Variants in BBS9 observed in about 807,000 individuals in gnomAD.
BBS9 encodes the protein Bardet-Biedl syndrome 9.
BBS9 carries 89 observed loss-of-function variants against 117.7 expected under a neutral mutation model. The ratio of observed to expected loss-of-function variants is 0.76; its 90% CI spans 0.64 to 0.90. The LOEUF (loss-of-function observed/expected upper bound fraction) is 0.90, where lower values mean the gene tolerates loss of function less well. BBS9 is among the 40% of genes least tolerant of loss of function. The pLI, the probability that BBS9 is intolerant of heterozygous loss-of-function variation, is 0.00. For missense variants in BBS9, 982 were observed against 1,042.2 expected, an observed-to-expected ratio of 0.94 and a Z score of 0.80; for synonymous variants, 379 against 370.9, an observed-to-expected ratio of 1.02 and a Z score of -0.25.
At chr7:33,373,628 A>T (rs532301348) in intron 17 of BBS9, among the ~76,000 whole-genome samples, 1 of 152,196 alleles carries the variant, frequency 6.6e-6, no homozygotes, top group Admixed American at 6.5e-5. Context: ...AGCATTTTGG[A>T]TAAAGTATAC....
intron 21 of BBS9, among the ~76,000 whole-genome samples, chr7:33,535,701 A>G (rs1851257264): frequency 6.6e-6 from 1 of 152,202 alleles, no homozygotes; most frequent in African/African-American, 2.4e-5. Flanking sequence ...AAAACTATTC[A>G]TTATAATCAG....
chr7:33,383,996 T>TGCC (rs1825563768), intron 18 of BBS9, among the ~76,000 whole-genome samples, 158 bp downstream of exon 18: 2 of 152,210 alleles, frequency 1.3e-5, no homozygotes, highest in East Asian at 3.9e-4. Context: ...CCTGCCCACT[T>TGCC]GCCCAGTTTG....
intron 19 of BBS9, among the ~76,000 whole-genome samples, chr7:33,498,917 A>C (rs1229120444): frequency 6.6e-6 from 1 of 152,124 alleles, no homozygotes; most frequent in Admixed American, 6.5e-5. Context: ...CTCTATGTTT[A>C]ACTTTTTGAG....
chr7:33,225,385 G>A (rs114430428), intron 5 of BBS9, among the ~76,000 whole-genome samples: 2,005 of 152,142 alleles, frequency 0.013, 50 homozygotes, highest in African/African-American at 0.046. Flanking sequence ...TTTTCATAGA[G>A]ATGGGGTCTT....
At chr7:33,586,619 G>A (rs1038636237) in intron 21 of BBS9, among the ~76,000 whole-genome samples, 2 of 152,006 alleles carry the variant, frequency 1.3e-5, no homozygotes, top group Admixed American at 6.6e-5. Flanking sequence ...TGCTATTCAC[G>A]GTAGCAAAGA....
chr7:33,627,222 G>A lies in BBS9; in HGVS notation c.2522-7955G>A, dbSNP rs533293122. ...GGGTCCCAGATACATCTAGGCTGCT[G>A]CTCCTGAGGGTGCAAGCTGTAAGCT... On this transcript the variant is annotated intron_variant, in intron 21 of 21. Coordinates refer to the BBS9 transcript ENST00000671952. 2.0e-5 allele frequency among the ~76,000 whole-genome samples: 3 copies of A among 152,352 alleles called. No individual in the cohort carries two copies. The East Asian group carries it at 5.8e-4, about 29-fold the overall frequency.
At chr7:33,510,934 G>A (rs1846860786) in intron 20 of BBS9, among the ~76,000 whole-genome samples, 1 of 152,218 alleles carries the variant, frequency 6.6e-6, no homozygotes, top group Non-Finnish European at 1.5e-5. Flanking sequence ...GTTTGCATTT[G>A]CAGTACCTAT....
At chr7:33,198,336 T>TATA (rs1403099939) in intron 5 of BBS9, among the ~76,000 whole-genome samples, 1 of 152,048 alleles carries the variant, frequency 6.6e-6, no homozygotes, top group African/African-American at 2.4e-5. Context: ...AAGTCCTATA[T>TATA]AGTTCATTGT....
chr7:33,212,787 A>G (rs572369011), intron 5 of BBS9, among the ~76,000 whole-genome samples: 1 of 152,258 alleles, frequency 6.6e-6, no homozygotes, highest in East Asian at 1.9e-4. Flanking sequence ...GTAGCCTTCG[A>G]TAATATCTGG....
chr7:33,505,415 C>T (rs772382704), intron 19 of BBS9, 48 bp from the exon 20 acceptor site: 7 of 1,585,768 alleles, frequency 4.4e-6, no homozygotes, highest in Non-Finnish European at 6.1e-6. Context: ...TTGTTGAGGG[C>T]TCAATAATTG....
At chr7:33,132,611 T>A (rs988623881) in intron 1 of BBS9, among the ~76,000 whole-genome samples, 1 of 152,242 alleles carries the variant, frequency 6.6e-6, no homozygotes, top group South Asian at 2.1e-4. Flanking sequence ...TATTTTTTGT[T>A]ATTTAAAACA....
At chr7:33,357,647 A>C in intron 15 of BBS9, 1 of 647,270 alleles carries the variant, frequency 1.5e-6, no homozygotes, top group Non-Finnish European at 2.8e-6. Context: ...GCTTCTTTTA[A>C]AATTTTATTT....
At chr7:33,178,635 T>A (rs1038221076) in intron 5 of BBS9, among the ~76,000 whole-genome samples, 1 of 152,196 alleles carries the variant, frequency 6.6e-6, no homozygotes. Flanking sequence ...CTGCAGAGCA[T>A]GTAACTAGGG....
intron 20 of BBS9, among the ~76,000 whole-genome samples, chr7:33,518,760 G>T (rs1563291768): frequency 2.0e-5 from 3 of 152,002 alleles, no homozygotes; most frequent in Non-Finnish European, 2.9e-5. Context: ...TGAATGTGTG[G>T]GTAAACATAC....
At chr7:33,345,555 C>T (rs952078012) in intron 12 of BBS9, among the ~76,000 whole-genome samples, 2 of 152,172 alleles carry the variant, frequency 1.3e-5, no homozygotes, top group African/African-American at 4.8e-5. Flanking sequence ...GGAGCTGAAT[C>T]TTACAACAGT....
chr7:33,604,541 G>A (rs1864291989), intron 21 of BBS9, among the ~76,000 whole-genome samples: 1 of 152,120 alleles, frequency 6.6e-6, no homozygotes, highest in Non-Finnish European at 1.5e-5. Flanking sequence ...TTCCTGCCGA[G>A]GGGCCTTTAT....
At position 33,388,154 on chromosome 7, in the gene BBS9, A is replaced by T; in HGVS notation, c.2115+10A>T. 1 of 1,613,810 alleles carries T rather than the reference A, an allele frequency of 6.2e-7. No individual in the cohort carries two copies. The highest frequency in any genetic ancestry group is 8.5e-7 in the Non-Finnish European group (1 of 1,179,684). On this transcript the variant is annotated intron_variant, in intron 19 of 22. Coordinates refer to ENST00000242067, the MANE Select transcript of BBS9 (RefSeq NM_198428.3). ...TGGAACCTACAAGCAGGTCAGTATAATATCAGTAACAGTTTTCTATTACTG... is the reference window on the plus strand; with the variant it reads ...TGGAACCTACAAGCAGGTCAGTATATTATCAGTAACAGTTTTCTATTACTG...
At chr7:33,524,534 C>A (rs1585120145) in intron 20 of BBS9, among the ~76,000 whole-genome samples, 1 of 152,302 alleles carries the variant, frequency 6.6e-6, no homozygotes, top group East Asian at 1.9e-4. Flanking sequence ...AGTTTATTTG[C>A]GTAGAGGTGT....
intron 10 of BBS9, 97 bp from the exon 11 acceptor site, chr7:33,340,800 T>C: frequency 1.0e-6 from 1 of 959,332 alleles, no homozygotes; most frequent in Middle Eastern, 3.2e-4. Context: ...GTTTATGGGG[T>C]TTTTTTTATA....
Sources: allele counts gnomAD v4.1 joint callset (sites outside exome capture counted in the v4.1 genomes callset), GRCh38; gene constraint gnomAD v4.1.1; transcripts MANE v1.5; gene names NCBI Gene and HGNC (gene_info 2026-07-23, HGNC 2026-07-21).